SLC25A17: variants seen among roughly 807,000 people sequenced by gnomAD.
SLC25A17 encodes peroxisomal membrane protein PMP34.
Under a neutral mutation model 38.5 loss-of-function variants are expected in SLC25A17, and 26 were observed. That is an observed-to-expected ratio of 0.68 (90% confidence interval 0.50 to 0.94). The LOEUF (loss-of-function observed/expected upper bound fraction) is 0.94. Among genes scored for constraint, SLC25A17 ranks in the 40% least tolerant of loss-of-function variants. The pLI is 0.00. For synonymous variants in SLC25A17, 139 were observed against 136.2 expected (o/e 1.02, Z -0.14); for missense variants, 333 against 372.7 (o/e 0.89, Z 0.88).
intron 1 of SLC25A17, among the ~76,000 whole-genome samples, chr22:40,800,998 G>A (rs2057475653): frequency 6.7e-6 from 1 of 149,722 alleles, no homozygotes; most frequent in African/African-American, 2.5e-5. Context: ...CAGCTACTTG[G>A]GAAGCTGAGG....
intron 4 of SLC25A17, among the ~76,000 whole-genome samples, chr22:40,785,135 A>C (rs975825243): frequency 6.6e-6 from 1 of 152,120 alleles, no homozygotes; most frequent in Non-Finnish European, 1.5e-5. Context: ...TGTAATCCCA[A>C]CACTTTAGGA....
At chr22:40,801,185 T>C (rs2057481037) in intron 1 of SLC25A17, among the ~76,000 whole-genome samples, 1 of 138,926 alleles carries the variant, frequency 7.2e-6, no homozygotes, top group Non-Finnish European at 1.5e-5. Flanking sequence ...GATAAATAAC[T>C]AGGAGCTAGG....
chr22:40,790,340 CAAAAA>C (rs138301), intron 4 of SLC25A17, among the ~76,000 whole-genome samples: 2 of 61,208 alleles, frequency 3.3e-5, no homozygotes, highest in Admixed American at 2.2e-4. Flanking sequence ...GACACAATCT[CAAAAA>C]AAAAAAAAAA....
chr22:40,776,221 G>A (rs987735716), intron 7 of SLC25A17: 2 of 437,786 alleles, frequency 4.6e-6, no homozygotes, highest in African/African-American at 4.1e-5. Flanking sequence ...AGCTCCATAA[G>A]GGCAGGGATT....
chr22:40,784,788 A>AC (rs2057323492), intron 4 of SLC25A17, among the ~76,000 whole-genome samples: 1 of 148,862 alleles, frequency 6.7e-6, no homozygotes. Context: ...CAACAACAAA[A>AC]AAAAAAAAAA....
At position 40,799,038 on chromosome 22, in the gene SLC25A17, T is replaced by C. The variant is rs999770552; in HGVS notation, c.100A>G (p.Arg34Gly). ...MTVFFPLDTA[R>G]LRLQVDEKRK... is the part of the protein sequence containing the mutation. The stretch of plus-strand genomic sequence containing the variant: ...TTCTACTTACCCTGAAGTCGAAGTC[T>C]AGCTGTATCCAGGGGAAAAAACACT... Residue 34 changes from arginine to glycine, a missense_variant, in exon 2 of 9, where the codon AGA becomes GGA. Physicochemically the swap from Arg to Gly is moderately radical, Grantham distance 125. Coordinates refer to ENST00000435456, the MANE Select transcript of SLC25A17 (RefSeq NM_006358.4). 6.2e-7 allele frequency: 1 copy of C among 1,612,820 alleles called. No individual in the cohort carries two copies. The highest frequency in any genetic ancestry group is 1.3e-5 in the African/African-American group (1 of 74,876).
chr22:40,791,693 A>C (rs1302835990), intron 4 of SLC25A17, among the ~76,000 whole-genome samples: 1 of 152,230 alleles, frequency 6.6e-6, no homozygotes, highest in Non-Finnish European at 1.5e-5. Context: ...CCACAGTGAG[A>C]TATCACCTCA....
At chr22:40,801,128 CAT>C (rs60780380) in intron 1 of SLC25A17, among the ~76,000 whole-genome samples, 5,704 of 100,600 alleles carry the variant, frequency 0.057, 124 homozygotes, top group East Asian at 0.096. Context: ...AAATATATTA[CAT>C]ATATATATAT....
chr22:40,813,641 G>A (rs892527388), intron 1 of SLC25A17, among the ~76,000 whole-genome samples: 3 of 151,424 alleles, frequency 2.0e-5, no homozygotes, highest in Non-Finnish European at 2.9e-5. Context: ...GGAGAATGGC[G>A]TGAACCCAGG....
At chr22:40,814,163 C>T (rs1176006261) in intron 1 of SLC25A17, among the ~76,000 whole-genome samples, 1 of 152,184 alleles carries the variant, frequency 6.6e-6, no homozygotes, top group Non-Finnish European at 1.5e-5. Context: ...CATGCTCTTC[C>T]ACTATCAGTC....
intron 1 of SLC25A17, among the ~76,000 whole-genome samples, chr22:40,801,906 T>G (rs570847583): frequency 6.6e-6 from 1 of 152,292 alleles, no homozygotes; most frequent in Non-Finnish European, 1.5e-5. Context: ...TTCTCCTGTC[T>G]CAGCCTCCCG....
rs1332627427 is a variant in SLC25A17, at chr22:40,789,994, G to A, written c.334+2531C>T. Among the ~76,000 whole-genome samples, 4 of 151,438 alleles carry A rather than the reference G, an allele frequency of 2.6e-5. No homozygotes were observed. The highest frequency in any genetic ancestry group is 4.0e-4 in the East Asian group (2 of 5,022). On this transcript the variant is annotated intron_variant, in intron 4 of 8. Coordinates refer to ENST00000435456, the MANE Select transcript of SLC25A17 (RefSeq NM_006358.4). The surrounding 1 kb of genome is among the most constrained non-coding windows in gnomAD (Gnocchi z 4.5). ...TGATGCTCACAGTCAACACAGACCC[G>A]TAGACTCTCCTATGTGTCAACTGTA... is the stretch of plus-strand genomic sequence containing the variant.
At chr22:40,794,733 T>C (rs1157150799) in intron 2 of SLC25A17, among the ~76,000 whole-genome samples, 153 bp from the exon 3 acceptor site, 8 of 151,952 alleles carry the variant, frequency 5.3e-5, no homozygotes, top group African/African-American at 1.9e-4. Context: ...GATTCTCCTG[T>C]TGCAGCCTCC....
At chr22:40,813,779 T>C (rs2057607432) in intron 1 of SLC25A17, 1 of 152,380 alleles carries the variant, frequency 6.6e-6, no homozygotes, top group Non-Finnish European at 1.5e-5. Context: ...GGCACACAGG[T>C]GGCACTCAAC....
In SLC25A17 at chr22:40,811,384, C is replaced by G. The variant is rs1182957478; in HGVS notation, c.54+7811G>C. 5.3e-5 allele frequency among the ~76,000 whole-genome samples: 8 copies of G among 151,810 alleles called. No individual in the cohort carries two copies. In the South Asian group the frequency reaches 1.2e-3, roughly 24 times the overall value. On this transcript the variant is annotated intron_variant, in intron 1 of 8. Transcript: ENST00000435456. The stretch of plus-strand genomic sequence containing the variant: ...GGGATTACAGGAGTGAGTCAATGAG[C>G]CTGGCCAATCGTGCAGTAACTTTTA...
intron 1 of SLC25A17, among the ~76,000 whole-genome samples, chr22:40,813,498 A>G (rs2145710362): frequency 6.6e-6 from 1 of 152,228 alleles, no homozygotes; most frequent in Middle Eastern, 3.4e-3. Flanking sequence ...AGATCGTGCC[A>G]CCGCACTCCA....
At chr22:40,801,642 T>G (rs2057485321) in intron 1 of SLC25A17, among the ~76,000 whole-genome samples, 1 of 152,180 alleles carries the variant, frequency 6.6e-6, no homozygotes, top group Non-Finnish European at 1.5e-5. Flanking sequence ...CCACAAAGCT[T>G]TACAAATCCT....
chr22:40,810,783 A>G (rs1367666029), intron 1 of SLC25A17, among the ~76,000 whole-genome samples: 1 of 152,218 alleles, frequency 6.6e-6, no homozygotes, highest in Non-Finnish European at 1.5e-5. Flanking sequence ...CAGAGAGGCA[A>G]TTAAATTCTT....
rs73172876 is a variant in SLC25A17, at chr22:40,786,979, T to C, written c.334+5546A>G. On this transcript the variant is annotated intron_variant, in intron 4 of 8. Transcript: ENST00000435456. The stretch of plus-strand genomic sequence containing the variant: ...ACTGGGGATGTGGAAATAACAAAAA[T>C]GTAATCTCTGCCTTTAAGGAGCTTA... Among the ~76,000 whole-genome samples the C allele has an allele frequency of 8.7e-3, 1,329 of 152,278 alleles. 8 individuals are homozygous for C. Among genetic ancestry groups the C allele is most frequent in the Middle Eastern group, 0.031 (9 of 294 alleles).
Sources: gnomAD v4.1 joint callset for allele counts (sites outside exome capture counted in the v4.1 genomes callset) on GRCh38, gnomAD v4.1.1 for gene constraint, Gnocchi (gnomAD v3.1) non-coding constraint, MANE v1.5 for transcripts, NCBI Gene and HGNC (gene_info 2026-07-23, HGNC 2026-07-21) for gene names.